XKR3: variants seen among roughly 807,000 people sequenced by gnomAD.
XKR3 encodes the protein XK-related protein 3.
Under a neutral mutation model 40.3 loss-of-function variants are expected in XKR3, and 27 were observed. That is an observed-to-expected ratio of 0.67 (90% CI 0.49 to 0.92). XKR3 has a LOEUF of 0.92. XKR3 is among the 40% of genes least tolerant of loss of function. The pLI is 0.00. For missense variants in XKR3, 472 were observed against 537.6 expected (o/e 0.88, Z 1.21); for synonymous variants, 193 against 195.4 (o/e 0.99, Z 0.10).
Position 16,808,834 on chromosome 22 carries a change from A to G in XKR3, c.-10-751T>C, listed in dbSNP as rs114158720. On this transcript the variant is annotated intron_variant, in intron 1 of 3. Transcript: ENST00000684488. ...GCAATATAAAACAAAATGAATAAGA[A>G]GGAAAATAAAAGGCAACAGTACTTT... Among the ~76,000 whole-genome samples the G allele has an allele frequency of 4.0e-3, 609 of 152,336 alleles. 3 individuals carry two copies. Among genetic ancestry groups the G allele is most frequent in the African/African-American group, 0.014 (593 of 41,576 alleles).
chr22:16,820,682 A>G (rs1475983401), intron 1 of XKR3, among the ~76,000 whole-genome samples: 2 of 151,792 alleles, frequency 1.3e-5, no homozygotes, highest in Non-Finnish European at 2.9e-5. Context: ...CCATTCTTTC[A>G]TTCAATCACT....
chr22:16,820,606 T>C (rs977352861), intron 1 of XKR3, among the ~76,000 whole-genome samples: 5 of 148,202 alleles, frequency 3.4e-5, no homozygotes, highest in African/African-American at 1.0e-4. Flanking sequence ...CATGAAGGCC[T>C]GACACTTCCT....
intron 2 of XKR3, among the ~76,000 whole-genome samples, chr22:16,803,169 T>C (rs2060176384): frequency 6.6e-6 from 1 of 152,136 alleles, no homozygotes; most frequent in South Asian, 2.1e-4. Context: ...TTTCCACTTT[T>C]GCATATACTT....
At chr22:16,787,179 T>C (rs1239293602) in intron 3 of XKR3, among the ~76,000 whole-genome samples, 23 of 151,766 alleles carry the variant, frequency 1.5e-4, no homozygotes, top group African/African-American at 4.8e-4. Context: ...ATTAAAAATA[T>C]ACAGTCAGAA....
Position 16,825,271 on chromosome 22 carries a change from C to T in XKR3, c.-11+20G>A, listed in dbSNP as rs2060268833. On this transcript the variant is annotated intron_variant, in intron 1 of 3. Transcript: ENST00000684488. The stretch of plus-strand genomic sequence containing the variant: ...GCTGAAGAAGCTGATCTGAGATGGT[C>T]GAGGGCTGCTCCTACTTACCTTGCC... Among the ~76,000 whole-genome samples, 1 of 152,112 alleles carries T rather than the reference C, an allele frequency of 6.6e-6. No homozygotes were observed. The highest frequency in any genetic ancestry group is 2.4e-5 in the African/African-American group (1 of 41,420).
At chr22:16,809,152 A>T (rs1270747948) in intron 1 of XKR3, among the ~76,000 whole-genome samples, 2 of 152,182 alleles carry the variant, frequency 1.3e-5, no homozygotes, top group Admixed American at 1.3e-4. Flanking sequence ...ATTTATCATA[A>T]ATATTCCTCA....
intron 1 of XKR3, among the ~76,000 whole-genome samples, chr22:16,808,762 A>C (rs751461941): frequency 1.3e-5 from 2 of 152,204 alleles, no homozygotes; most frequent in Non-Finnish European, 2.9e-5. Context: ...ACCGCCAGAA[A>C]AATTACTGAC....
At chr22:16,810,320 A>G (rs1206321555) in intron 1 of XKR3, among the ~76,000 whole-genome samples, 2 of 152,136 alleles carry the variant, frequency 1.3e-5, no homozygotes, top group African/African-American at 4.8e-5. Flanking sequence ...TTCCCATTTC[A>G]CCTGATAATA....
chr22:16,789,571 G>C (rs1362735801), intron 3 of XKR3, among the ~76,000 whole-genome samples: 1 of 152,154 alleles, frequency 6.6e-6, no homozygotes, highest in Non-Finnish European at 1.5e-5. Context: ...TTGGAAAAAA[G>C]TAATGTGGTT....
At chr22:16,797,724 C>T (rs1175863892) in intron 3 of XKR3, among the ~76,000 whole-genome samples, 3 of 147,524 alleles carry the variant, frequency 2.0e-5, no homozygotes, top group South Asian at 2.1e-4. Context: ...ACCCAGGAGG[C>T]GGAACTTGCA....
Position 16,807,972 on chromosome 22 carries a change from A to G in XKR3, c.102T>C (p.Pro34=), listed in dbSNP as rs1307574122. 1 of 1,614,046 alleles carries G rather than the reference A, an allele frequency of 6.2e-7. No homozygotes were observed. The highest frequency in any genetic ancestry group is 8.5e-7 in the Non-Finnish European group (1 of 1,179,934). The change falls in exon 2 of 4, where the codon CCT becomes CCC. Residue 34 remains proline, a synonymous_variant. Coordinates refer to ENST00000684488, the MANE Select transcript of XKR3 (RefSeq NM_001386955.1). Reference sequence around the variant, plus strand: ...GAACAGTTGAGAAGATAATGCTAAAAGGAAAGCTTAGATGGAGTCTCTGGC... The same window carrying G: ...GAACAGTTGAGAAGATAATGCTAAAGGGAAAGCTTAGATGGAGTCTCTGGC... ...VLGQRLHLSF[P]FSIIFSTVLY... is the part of the protein sequence containing the mutation.
intron 3 of XKR3, among the ~76,000 whole-genome samples, chr22:16,790,221 C>T (rs1190574267): frequency 6.8e-6 from 1 of 146,990 alleles, no homozygotes. Flanking sequence ...ACAGGGCAAA[C>T]TTAATGACCT....
intron 1 of XKR3, among the ~76,000 whole-genome samples, chr22:16,816,449 T>G (rs551827278): frequency 1.4e-4 from 22 of 151,980 alleles, no homozygotes; most frequent in African/African-American, 5.3e-4. Context: ...CTGTAGCTAA[T>G]CAAAAGGGCC....
At chr22:16,822,091 G>A (rs1601854150) in intron 1 of XKR3, among the ~76,000 whole-genome samples, 2 of 152,124 alleles carry the variant, frequency 1.3e-5, no homozygotes, top group African/African-American at 4.8e-5. Context: ...ACTGAAAATG[G>A]CAATTTTGTA....
chr22:16,793,235 C>T (rs2060127767), intron 3 of XKR3, among the ~76,000 whole-genome samples: 3 of 152,346 alleles, frequency 2.0e-5, no homozygotes, highest in South Asian at 4.1e-4. Context: ...TGGTCTCTAA[C>T]TCCTGACCTC....
chr22:16,786,039 C>T (rs1403983849), intron 3 of XKR3, among the ~76,000 whole-genome samples: 1 of 152,050 alleles, frequency 6.6e-6, no homozygotes, highest in African/African-American at 2.4e-5. Context: ...CAAAGTGAAA[C>T]TCTAAAACAT....
chr22:16,799,932 G>A lies in XKR3; in HGVS notation c.428C>T (p.Thr143Met), dbSNP rs5748648. 118,797 of 1,613,818 alleles carry A rather than the reference G, an allele frequency of 0.074. 6,010 individuals are homozygous for A. The highest frequency in any genetic ancestry group is 0.22 in the African/African-American group (16,233 of 74,942). ...GAATGCAATCTCCCTTTCCAGCATC[G>A]TGTTTCTCTTTGTGATGCTAACTTG... ...ETQVSITKRN[T>M]MLEREIAFSI... The change falls in exon 3 of 4, where the codon ACG (threonine) becomes ATG (methionine). Residue 143 changes from threonine to methionine, a missense_variant. By Grantham distance (81) the Thr-to-Met change is moderately conservative. Transcript: ENST00000684488.
chr22:16,787,491 G>A (rs1340276222), intron 3 of XKR3, among the ~76,000 whole-genome samples: 3 of 151,568 alleles, frequency 2.0e-5, no homozygotes, highest in South Asian at 2.1e-4. Context: ...CCCAGGACAC[G>A]GAGGTTGCAT....
intron 1 of XKR3, among the ~76,000 whole-genome samples, chr22:16,822,621 G>A (rs1601854401): frequency 6.6e-6 from 1 of 152,088 alleles, no homozygotes; most frequent in Non-Finnish European, 1.5e-5. Flanking sequence ...ATGGAATAAA[G>A]CTGTGCACTA....
Sources: allele counts gnomAD v4.1 joint callset (sites outside exome capture counted in the v4.1 genomes callset), GRCh38; gene constraint gnomAD v4.1.1; transcripts MANE v1.5; gene names NCBI Gene and HGNC (gene_info 2026-07-23, HGNC 2026-07-21).